The following PRTFDC1 variants were observed in gnomAD, a reference collection of about 807,000 sequenced individuals.
PRTFDC1 encodes phosphoribosyl transferase domain containing 1.
In PRTFDC1, 38 loss-of-function variants were observed where a neutral mutation model predicts 34.6. The observed-to-expected ratio is 1.10, with a 90% confidence interval of 0.85 to 1.44. PRTFDC1 has a LOEUF of 1.44. PRTFDC1 is among the 40% of genes most tolerant of loss of function. The pLI is 0.00. For missense variants in PRTFDC1, 270 were observed against 283.0 expected (o/e 0.95, Z 0.33); for synonymous variants, 93 against 98.1 (o/e 0.95, Z 0.31).
chr10:24,908,663 G>T, intron 3 of PRTFDC1: 1 of 1,609,484 alleles, frequency 6.2e-7, no homozygotes, highest in Non-Finnish European at 8.5e-7. Context: ...ACAGATGGTT[G>T]TCCTCTTCAA....
chr10:24,858,802 C>G (rs113642883), intron 4 of PRTFDC1, among the ~76,000 whole-genome samples: 34 of 152,192 alleles, frequency 2.2e-4, no homozygotes, highest in African/African-American at 7.9e-4. Flanking sequence ...AGACCGTGCT[C>G]GGTAAATGCA....
At chr10:24,909,410 C>T (rs1415493620) in intron 3 of PRTFDC1, among the ~76,000 whole-genome samples, 2 of 152,148 alleles carry the variant, frequency 1.3e-5, no homozygotes, top group African/African-American at 4.8e-5. Flanking sequence ...GTCCAGCTTT[C>T]ATTTAGTTGT....
intron 3 of PRTFDC1, among the ~76,000 whole-genome samples, chr10:24,918,105 G>A (rs1178587095): frequency 6.6e-6 from 1 of 152,170 alleles, no homozygotes; most frequent in Non-Finnish European, 1.5e-5. Flanking sequence ...TGGAGGACCA[G>A]GGAGTCCCAA....
intron 3 of PRTFDC1, among the ~76,000 whole-genome samples, chr10:24,918,346 A>ATATCC (rs1848728992): frequency 6.6e-6 from 1 of 152,118 alleles, no homozygotes; most frequent in African/African-American, 2.4e-5. Flanking sequence ...ATATCATATC[A>ATATCC]TATTATATAT....
intron 4 of PRTFDC1, among the ~76,000 whole-genome samples, chr10:24,868,432 T>C (rs1847822709): frequency 6.6e-6 from 1 of 151,950 alleles, no homozygotes; most frequent in African/African-American, 2.4e-5. Flanking sequence ...CCTGGCAGAG[T>C]AATAACATGA....
intron 3 of PRTFDC1, among the ~76,000 whole-genome samples, chr10:24,878,964 C>T (rs914742216): frequency 6.6e-6 from 1 of 152,156 alleles, no homozygotes; most frequent in African/African-American, 2.4e-5. Context: ...CTCAGCTATT[C>T]TCCTGTTCTC....
intron 3 of PRTFDC1, among the ~76,000 whole-genome samples, chr10:24,912,235 T>C (rs114215126): frequency 0.02 from 2,577 of 132,134 alleles, 94 homozygotes; most frequent in African/African-American, 0.069. Context: ...GGCCATTGCA[T>C]TTCAGCCTGG....
intron 5 of PRTFDC1, 46 bp downstream of exon 5, chr10:24,858,346 T>C (rs777795171): frequency 6.3e-7 from 1 of 1,591,744 alleles, no homozygotes; most frequent in South Asian, 1.1e-5. Context: ...AACTCACCAT[T>C]AGATTCTTTC....
intron 3 of PRTFDC1, among the ~76,000 whole-genome samples, chr10:24,872,744 A>C (rs1373996720): frequency 6.8e-6 from 1 of 147,204 alleles, no homozygotes; most frequent in Non-Finnish European, 1.5e-5. Flanking sequence ...ATATATACAA[A>C]TATATGTGCA....
intron 1 of PRTFDC1, among the ~76,000 whole-genome samples, chr10:24,949,222 TG>T (rs1334451480): frequency 6.6e-6 from 1 of 152,088 alleles, no homozygotes; most frequent in Non-Finnish European, 1.5e-5. Context: ...CCCCGGTAGC[TG>T]GGACTACAGG....
chr10:24,904,440 T>A (rs1303092730), intron 3 of PRTFDC1, among the ~76,000 whole-genome samples: 1 of 152,184 alleles, frequency 6.6e-6, no homozygotes, highest in Non-Finnish European at 1.5e-5. Flanking sequence ...ATCATGCATT[T>A]CCATCAGGTG....
chr10:24,858,803 G>A (rs1005466994), intron 4 of PRTFDC1, among the ~76,000 whole-genome samples: 1 of 152,120 alleles, frequency 6.6e-6, no homozygotes, highest in Non-Finnish European at 1.5e-5. Context: ...GACCGTGCTC[G>A]GTAAATGCAT....
In PRTFDC1 at chr10:24,886,915, A is replaced by G. The variant is rs142983877; in HGVS notation, c.340-14852T>C. Among the ~76,000 whole-genome samples, 1,105 of 138,862 alleles carry G rather than the reference A, an allele frequency of 8.0e-3. 8 individuals carry two copies. The highest frequency in any genetic ancestry group is 0.028 in the African/African-American group (1,067 of 37,888). 91.1% of individuals were successfully genotyped at this position (138,862 alleles called of 152,430 possible). ...TCTAGTGCGTATCCTGCATTTTACC[A>G]TCTTTGTATTTTACATCTTTGTATC... On this transcript the variant is annotated intron_variant, in intron 3 of 8. Coordinates refer to ENST00000320152, the MANE Select transcript of PRTFDC1 (RefSeq NM_020200.7).
chr10:24,923,595 A>C (rs1295788192), intron 3 of PRTFDC1, among the ~76,000 whole-genome samples: 1 of 152,236 alleles, frequency 6.6e-6, no homozygotes, highest in Non-Finnish European at 1.5e-5. Context: ...ACAGAAAGGA[A>C]TAGCAACAAC....
chr10:24,880,589 G>A (rs780396807), intron 3 of PRTFDC1, among the ~76,000 whole-genome samples: 1 of 152,170 alleles, frequency 6.6e-6, no homozygotes, highest in Admixed American at 6.5e-5. Context: ...GTGCTCTGTG[G>A]TTAGGGTTTA....
chr10:24,942,209 AG>A, intron 2 of PRTFDC1, 120 bp downstream of exon 2: 3 of 720,626 alleles, frequency 4.2e-6, no homozygotes, highest in Non-Finnish European at 7.2e-6. Flanking sequence ...CCTATATAAA[AG>A]TTCTCTCTAC....
rs1162640912 is a variant in PRTFDC1, at chr10:24,937,198, G to A, written c.325C>T (p.Leu109=). ...FVSMKVDFIR[L]KSYRNDQSMG... ...TAATAACTTACCCTGTAACTTTTTAGTCTGATGAAATCAACCTTCATTGAG... is the reference window on the plus strand; with the variant it reads ...TAATAACTTACCCTGTAACTTTTTAATCTGATGAAATCAACCTTCATTGAG... The change falls in exon 3 of 9, where the codon CTA becomes TTA. Residue 109 remains leucine, a synonymous_variant. Coordinates refer to ENST00000320152, the MANE Select transcript of PRTFDC1 (RefSeq NM_020200.7). 2.5e-6 allele frequency: 4 copies of A among 1,612,114 alleles called. No homozygotes were observed. The highest frequency in any genetic ancestry group is 3.4e-6 in the Non-Finnish European group (4 of 1,179,454).
chr10:24,864,676 T>C (rs1253660022), intron 4 of PRTFDC1, among the ~76,000 whole-genome samples: 1 of 152,234 alleles, frequency 6.6e-6, no homozygotes, highest in East Asian at 1.9e-4. Context: ...ATAAGTTTTA[T>C]ATGCACTGAA....
At chr10:24,946,848 A>C (rs537550607) in intron 1 of PRTFDC1, among the ~76,000 whole-genome samples, 199 of 152,350 alleles carry the variant, frequency 1.3e-3, no homozygotes, top group African/African-American at 4.7e-3. Context: ...AAAACTATAC[A>C]TTTGAGGCCT....
Sources: gnomAD v4.1 joint callset for allele counts (sites outside exome capture counted in the v4.1 genomes callset) on GRCh38, gnomAD v4.1.1 for gene constraint, MANE v1.5 for transcripts, NCBI Gene and HGNC (gene_info 2026-07-23, HGNC 2026-07-21) for gene names.